MAPK4: variants seen among roughly 807,000 people sequenced by gnomAD.
MAPK4 encodes the protein mitogen-activated protein kinase 4.
MAPK4 carries 22 observed loss-of-function variants against 47.7 expected under a neutral mutation model. That is an observed-to-expected ratio of 0.46 (90% CI 0.33 to 0.66). The LOEUF (loss-of-function observed/expected upper bound fraction) is 0.66. MAPK4 is among the 30% of genes least tolerant of loss of function. MAPK4 has a pLI of 0.02. For synonymous variants in MAPK4, 390 were observed against 365.7 expected (o/e 1.07, Z -0.76); for missense variants, 736 against 831.7 (o/e 0.88, Z 1.42).
At chr18:50,691,795 T>A (rs1909231193) in intron 2 of MAPK4, among the ~76,000 whole-genome samples, 1 of 152,134 alleles carries the variant, frequency 6.6e-6, no homozygotes, top group Non-Finnish European at 1.5e-5. Context: ...GCTCCAATAG[T>A]TTGTCAAGAG....
chr18:50,689,259 G>A (rs374392192), intron 2 of MAPK4, among the ~76,000 whole-genome samples: 13 of 149,328 alleles, frequency 8.7e-5, no homozygotes, highest in African/African-American at 3.1e-4. Flanking sequence ...TATCCCAGGT[G>A]TGGTGGTGCA....
Position 50,722,031 on chromosome 18 carries a change from CCTTT to C in MAPK4, c.786_789del (p.Phe263SerfsTer7). ...GACGAGCTGCTCAGGGTGATGCCTT[CCTTT>C]GTCAGCAGCACCTGGGAGGTGAAGA... On this transcript the variant is annotated frameshift_variant, in exon 4 of 6. Coordinates refer to ENST00000400384, the MANE Select transcript of MAPK4 (RefSeq NM_002747.4). LOFTEE classifies it high-confidence loss of function. 3.1e-6 allele frequency: 5 copies of C among 1,613,878 alleles called. No homozygotes were observed. Among genetic ancestry groups the C allele is most frequent in the Non-Finnish European group, 3.4e-6 (4 of 1,179,924 alleles).
chr18:50,696,312 G>T (rs903630843), intron 2 of MAPK4, among the ~76,000 whole-genome samples: 1 of 152,198 alleles, frequency 6.6e-6, no homozygotes, highest in African/African-American at 2.4e-5. Context: ...TTTATGGTTT[G>T]TATTGCTTTT....
chr18:50,581,707 G>A (rs2042346663), intron 1 of MAPK4, among the ~76,000 whole-genome samples: 1 of 152,164 alleles, frequency 6.6e-6, no homozygotes, highest in Non-Finnish European at 1.5e-5. Flanking sequence ...GGGTGGCTTG[G>A]GAGCTGCTCT....
In MAPK4 at chr18:50,663,929, CCTGGGCAGCTCCAGATCA is replaced by C; in HGVS notation, c.-26_-9del. ...GCCTTTCCTGACTGCCCCTGTGTTA[CCTGGGCAGCTCCAGATCA>C]CTGAGCCCACAATGGCTGAGAAGGG... On this transcript the variant is annotated 5_prime_UTR_variant, in exon 2 of 6. An upstream open reading frame in the 5' UTR gains an earlier in-frame stop. Coordinates refer to ENST00000400384, the MANE Select transcript of MAPK4 (RefSeq NM_002747.4). 3 of 1,583,788 alleles carry C rather than the reference CCTGGGCAGCTCCAGATCA, an allele frequency of 1.9e-6. No homozygotes were observed. Among genetic ancestry groups the C allele is most frequent in the Non-Finnish European group, 2.6e-6 (3 of 1,162,264 alleles).
chr18:50,612,878 A>G (rs1281727580), intron 1 of MAPK4, among the ~76,000 whole-genome samples: 1 of 152,242 alleles, frequency 6.6e-6, no homozygotes, highest in Non-Finnish European at 1.5e-5. Context: ...AAGGCTATAA[A>G]GATCTTTGGC....
chr18:50,571,138 C>T (rs969214344), intron 1 of MAPK4, among the ~76,000 whole-genome samples: 2 of 152,050 alleles, frequency 1.3e-5, no homozygotes, highest in African/African-American at 2.4e-5. Context: ...GGAGGTATCC[C>T]ACTGACTTTC....
chr18:50,660,776 A>G (rs1229022702), intron 1 of MAPK4, among the ~76,000 whole-genome samples: 1 of 152,134 alleles, frequency 6.6e-6, no homozygotes, highest in Non-Finnish European at 1.5e-5. Flanking sequence ...AGGAACTGGG[A>G]AGATACAAGC....
At chr18:50,584,908 G>A (rs1378819421) in intron 1 of MAPK4, among the ~76,000 whole-genome samples, 5 of 152,158 alleles carry the variant, frequency 3.3e-5, no homozygotes, top group South Asian at 4.1e-4. Flanking sequence ...CGTTAACTCC[G>A]GACTCTCCTA....
At chr18:50,624,780 C>G (rs542952466) in intron 1 of MAPK4, among the ~76,000 whole-genome samples, 20 of 151,802 alleles carry the variant, frequency 1.3e-4, no homozygotes, top group South Asian at 1.3e-3. Context: ...CAGATCTCTT[C>G]TAAGGTACAC....
chr18:50,563,924 T>G (rs2149354989), intron 1 of MAPK4, among the ~76,000 whole-genome samples: 1 of 152,182 alleles, frequency 6.6e-6, no homozygotes, highest in East Asian at 1.9e-4. Flanking sequence ...CTTTGCACTT[T>G]AAGCCTCATA....
At chr18:50,649,449 G>A (rs770518997) in intron 1 of MAPK4, among the ~76,000 whole-genome samples, 4 of 152,052 alleles carry the variant, frequency 2.6e-5, no homozygotes, top group African/African-American at 7.3e-5. Flanking sequence ...CTCCTGCCAC[G>A]CTCAATGACA....
intron 1 of MAPK4, among the ~76,000 whole-genome samples, chr18:50,583,743 G>C (rs1161184944): frequency 1.3e-5 from 2 of 152,114 alleles, no homozygotes; most frequent in Non-Finnish European, 2.9e-5. Flanking sequence ...GTTTCACTGG[G>C]GACCCGTTCC....
chr18:50,628,504 G>A (rs768260188), intron 1 of MAPK4, among the ~76,000 whole-genome samples: 2 of 152,192 alleles, frequency 1.3e-5, no homozygotes, highest in Non-Finnish European at 2.9e-5. Flanking sequence ...CAAGTAGCAT[G>A]TAATATTTTA....
chr18:50,605,059 C>G (rs1160891902), intron 1 of MAPK4, among the ~76,000 whole-genome samples: 1 of 152,232 alleles, frequency 6.6e-6, no homozygotes, highest in Non-Finnish European at 1.5e-5. Context: ...TGAGCTCTCA[C>G]TATGTACCAG....
At chr18:50,715,822 A>G (rs1910605407) in intron 3 of MAPK4, among the ~76,000 whole-genome samples, 1 of 152,168 alleles carries the variant, frequency 6.6e-6, no homozygotes, top group Non-Finnish European at 1.5e-5. Context: ...ACTTAGACAC[A>G]CTTCTACTCA....
chr18:50,721,809 C>T (rs1322957213), intron 3 of MAPK4, 129 bp from the exon 4 acceptor site: 21 of 813,968 alleles, frequency 2.6e-5, no homozygotes, highest in Admixed American at 1.8e-4. Context: ...GACCAGAACC[C>T]CGGTCCCAGC....
chr18:50,569,624 C>T (rs972237220), intron 1 of MAPK4, among the ~76,000 whole-genome samples: 1 of 152,220 alleles, frequency 6.6e-6, no homozygotes, highest in Non-Finnish European at 1.5e-5. Context: ...AAGCCCCTTC[C>T]TCATCCTTGT....
intron 2 of MAPK4, among the ~76,000 whole-genome samples, chr18:50,696,145 A>C (rs1022923608): frequency 6.6e-6 from 1 of 151,826 alleles, no homozygotes; most frequent in African/African-American, 2.4e-5. Context: ...CACTGTGTAC[A>C]CCCTTACCCT....
Sources: gnomAD v4.1 joint callset for allele counts (sites outside exome capture counted in the v4.1 genomes callset) on GRCh38, gnomAD v4.1.1 for gene constraint, MANE v1.5 for transcripts, NCBI Gene and HGNC (gene_info 2026-07-23, HGNC 2026-07-21) for gene names.